CDH1: variants seen among roughly 807,000 people sequenced by gnomAD.
CDH1 encodes cadherin-1.
CDH1 carries 35 observed loss-of-function variants against 84.5 expected under a neutral mutation model. The observed-to-expected ratio is 0.41, with a 90% CI of 0.32 to 0.55. The LOEUF is 0.55. Among genes scored for constraint, CDH1 ranks in the 20% least tolerant of loss-of-function variants. The pLI is 0.19. For missense variants in CDH1, 994 were observed against 1,126.6 expected (o/e 0.88, Z 1.68); for synonymous variants, 417 against 439.0 (o/e 0.95, Z 0.63).
intron 2 of CDH1, among the ~76,000 whole-genome samples, chr16:68,741,648 C>CAA (rs1409627836): frequency 1.5e-4 from 14 of 90,924 alleles, no homozygotes; most frequent in Middle Eastern, 6.1e-3. Context: ...AAGACCTTTA[C>CAA]AAAAAAAAAA....
intron 2 of CDH1, among the ~76,000 whole-genome samples, chr16:68,794,438 A>G (rs1960299999): frequency 6.6e-6 from 1 of 152,078 alleles, no homozygotes; most frequent in African/African-American, 2.4e-5. Context: ...GTCCTTTTCA[A>G]CATGCCCTAA....
At chr16:68,794,672 C>A (rs1597879903) in intron 2 of CDH1, among the ~76,000 whole-genome samples, 1 of 149,804 alleles carries the variant, frequency 6.7e-6, no homozygotes, top group African/African-American at 2.5e-5. Context: ...GGTGCACCAA[C>A]ATGCCGGGCT....
intron 2 of CDH1, among the ~76,000 whole-genome samples, chr16:68,752,661 G>A (rs142098427): frequency 3.3e-4 from 50 of 152,134 alleles, no homozygotes; most frequent in African/African-American, 7.9e-4. Context: ...TTCTCAGGGC[G>A]TGTGCCTCTG....
intron 2 of CDH1, among the ~76,000 whole-genome samples, chr16:68,787,653 T>C (rs969886741): frequency 6.6e-6 from 1 of 151,264 alleles, no homozygotes; most frequent in Non-Finnish European, 1.5e-5. Context: ...CTATAACTAT[T>C]GTTTTGTTTT....
In CDH1 at chr16:68,808,771, G is replaced by A. The variant is rs876661028; in HGVS notation, c.610G>A (p.Val204Ile). Residue 204 changes from valine (V) to isoleucine (I), a missense_variant, in exon 5 of 16, where the codon GTC (valine) becomes ATC (isoleucine). Coordinates refer to ENST00000261769, the MANE Select transcript of CDH1 (RefSeq NM_004360.5). ...AGGAGCTGACACACCCCCTGTTGGTGTCTTTATTATTGAAAGAGAAACAGG... is the reference window on the plus strand; with the variant it reads ...AGGAGCTGACACACCCCCTGTTGGTATCTTTATTATTGAAAGAGAAACAGG... ...GQGADTPPVG[V>I]FIIERETGWL... 6.2e-7 allele frequency: 1 copy of A among 1,614,184 alleles called. No homozygotes were observed. Among genetic ancestry groups the A allele is most frequent in the Non-Finnish European group, 8.5e-7 (1 of 1,180,016 alleles).
At chr16:68,748,416 T>TGTTTA (rs1266403123) in intron 2 of CDH1, among the ~76,000 whole-genome samples, 1 of 152,204 alleles carries the variant, frequency 6.6e-6, no homozygotes, top group Non-Finnish European at 1.5e-5. Context: ...ATTTTAAAAA[T>TGTTTA]GTTTAATTTT....
chr16:68,749,885 C>T (rs566962786), intron 2 of CDH1, among the ~76,000 whole-genome samples: 21 of 152,324 alleles, frequency 1.4e-4, no homozygotes, highest in African/African-American at 4.6e-4. Flanking sequence ...GGACTTGATT[C>T]ATCTTTCTAA....
chr16:68,772,201 C>T (rs1005552938), intron 2 of CDH1, among the ~76,000 whole-genome samples: 3 of 152,218 alleles, frequency 2.0e-5, no homozygotes, highest in Non-Finnish European at 2.9e-5. Flanking sequence ...AACGGCCAAT[C>T]GCATATGTCC....
At chr16:68,808,326 C>A in intron 3 of CDH1, 98 bp from the exon 4 acceptor site, 1 of 1,258,770 alleles carries the variant, frequency 7.9e-7, no homozygotes, top group East Asian at 2.3e-5. Context: ...ACACTGCCCA[C>A]AGAAGGCTGG....
At chr16:68,829,544 G>A in intron 14 of CDH1, 110 bp from the exon 15 acceptor site, 1 of 1,059,170 alleles carries the variant, frequency 9.4e-7, no homozygotes, top group Non-Finnish European at 1.4e-6. Context: ...AGATCATACA[G>A]TTGGCAGTGA....
chr16:68,819,241 C>G (rs1961069907), intron 10 of CDH1, 39 bp from the exon 11 acceptor site: 1 of 1,613,034 alleles, frequency 6.2e-7, no homozygotes, highest in African/African-American at 1.3e-5. Context: ...ATGTTGTTTG[C>G]TGGTCCTATT....
rs1413775908 is a variant in CDH1 at position 68,737,482 on chromosome 16, C to G, written c.48+19C>G. ...GCTGCAGGTACCCCGGATCCCCTGA[C>G]TTGCGAGGGACGCATTCGGGCCGCA... On this transcript the variant is annotated intron_variant, in intron 1 of 15. Coordinates refer to ENST00000261769, the MANE Select transcript of CDH1 (RefSeq NM_004360.5). 2 of 1,535,112 alleles carry G rather than the reference C, an allele frequency of 1.3e-6. No homozygotes were observed. Among genetic ancestry groups the G allele is most frequent in the East Asian group, 2.4e-5 (1 of 40,980 alleles).
At chr16:68,752,472 T>A (rs1962910177) in intron 2 of CDH1, among the ~76,000 whole-genome samples, 1 of 152,212 alleles carries the variant, frequency 6.6e-6, no homozygotes, top group Non-Finnish European at 1.5e-5. Flanking sequence ...GAATAGTGCT[T>A]GGTACATAAT....
At chr16:68,748,450 T>A (rs1231038865) in intron 2 of CDH1, among the ~76,000 whole-genome samples, 1 of 152,226 alleles carries the variant, frequency 6.6e-6, no homozygotes, top group African/African-American at 2.4e-5. Flanking sequence ...ACAAAGTTGG[T>A]GTGTATATTT....
chr16:68,768,739 T>C (rs1959458542), intron 2 of CDH1, among the ~76,000 whole-genome samples: 1 of 152,146 alleles, frequency 6.6e-6, no homozygotes, highest in Non-Finnish European at 1.5e-5. Context: ...ACTATCTAGA[T>C]ATCACCACCG....
At chr16:68,792,066 G>T (rs1960222898) in intron 2 of CDH1, among the ~76,000 whole-genome samples, 1 of 148,104 alleles carries the variant, frequency 6.8e-6, no homozygotes, top group Non-Finnish European at 1.5e-5. Flanking sequence ...GATTACAGGT[G>T]CCCACCACCA....
intron 10 of CDH1, among the ~76,000 whole-genome samples, chr16:68,816,661 A>T (rs1407013508): frequency 6.6e-6 from 1 of 152,194 alleles, no homozygotes; most frequent in Non-Finnish European, 1.5e-5. Context: ...AGGCACGAGA[A>T]TCACTTGAAC....
chr16:68,737,486 C>G (rs1184538316), intron 1 of CDH1, 23 bp downstream of exon 1: 1 of 1,534,178 alleles, frequency 6.5e-7, no homozygotes, highest in Non-Finnish European at 8.7e-7. Context: ...CCCTGACTTG[C>G]GAGGGACGCA....
intron 15 of CDH1, 70 bp from the exon 16 acceptor site, chr16:68,833,220 G>T: frequency 7.3e-7 from 1 of 1,372,176 alleles, no homozygotes; most frequent in South Asian, 1.2e-5. Flanking sequence ...CATATTGCTA[G>T]ACTTCTTGCC....
Sources: allele counts gnomAD v4.1 joint callset (sites outside exome capture counted in the v4.1 genomes callset), GRCh38; gene constraint gnomAD v4.1.1; transcripts MANE v1.5; gene names NCBI Gene and HGNC (gene_info 2026-07-23, HGNC 2026-07-21).